The following MOB1B variants were observed in gnomAD, a reference collection of about 807,000 sequenced individuals.
MOB1B encodes the protein MOB kinase activator 1B.
Under a neutral mutation model 24.4 loss-of-function variants are expected in MOB1B, and 19 were observed. That is an observed-to-expected ratio of 0.78 (90% CI 0.54 to 1.14). The LOEUF (loss-of-function observed/expected upper bound fraction) is 1.14, where lower values mean the gene tolerates loss of function less well. Ranked by LOEUF, MOB1B falls within the 50% of genes most tolerant of loss-of-function variation. The pLI, the probability that MOB1B is intolerant of heterozygous loss-of-function variation, is 0.00. For synonymous variants in MOB1B, 76 were observed against 82.1 expected (o/e 0.93, Z 0.40); for missense variants, 243 against 259.6 (o/e 0.94, Z 0.44).
At chr4:70,950,477 G>T (rs768767774) in intron 1 of MOB1B, among the ~76,000 whole-genome samples, 17 of 150,358 alleles carry the variant, frequency 1.1e-4, no homozygotes, top group Non-Finnish European at 2.2e-4. Context: ...TTAAATCCTG[G>T]ATTTAAATTT....
chr4:70,969,856 C>T (rs1738684904), intron 2 of MOB1B, 75 bp from the exon 3 acceptor site: 3 of 785,728 alleles, frequency 3.8e-6, no homozygotes, highest in Admixed American at 2.2e-5. Flanking sequence ...TAAGCCTATT[C>T]TGTTCAAGTA....
At chr4:70,916,758 G>A (rs138156194) in intron 1 of MOB1B, among the ~76,000 whole-genome samples, 1 of 152,002 alleles carries the variant, frequency 6.6e-6, no homozygotes, top group Non-Finnish European at 1.5e-5. Context: ...TAGTAGAGAC[G>A]GGGTTTCACC....
At chr4:70,958,525 ATC>A (rs1189925351) in intron 1 of MOB1B, among the ~76,000 whole-genome samples, 2 of 152,046 alleles carry the variant, frequency 1.3e-5, no homozygotes, top group Admixed American at 6.6e-5. Context: ...ATCAAATTGT[ATC>A]TCTATATTTC....
intron 1 of MOB1B, among the ~76,000 whole-genome samples, chr4:70,908,652 G>A (rs1453358576): frequency 2.6e-5 from 4 of 151,176 alleles, no homozygotes; most frequent in Non-Finnish European, 4.4e-5. Context: ...GCATGTGCCT[G>A]TAGTCCCAGC....
chr4:70,958,313 C>T (rs904961842), intron 1 of MOB1B, among the ~76,000 whole-genome samples: 5 of 151,774 alleles, frequency 3.3e-5, no homozygotes, highest in South Asian at 2.1e-4. Context: ...TACAAGGACC[C>T]GCCACCATGC....
intron 4 of MOB1B, chr4:70,976,590 C>A: frequency 1.0e-6 from 1 of 984,632 alleles, no homozygotes; most frequent in Non-Finnish European, 1.2e-6. Flanking sequence ...AGAATCTGCT[C>A]CTGTAATGTT....
intron 2 of MOB1B, among the ~76,000 whole-genome samples, chr4:70,960,475 A>G (rs1738258591): frequency 6.6e-6 from 1 of 152,232 alleles, no homozygotes. Context: ...AAGGAAATGC[A>G]AAACAGTATT....
At chr4:70,923,492 C>G (rs1038220307) in intron 1 of MOB1B, among the ~76,000 whole-genome samples, 6 of 152,194 alleles carry the variant, frequency 3.9e-5, no homozygotes, top group Admixed American at 2.6e-4. Flanking sequence ...CATGAGCTAC[C>G]TTGCCTAGTC....
chr4:70,926,670 A>T (rs1719547900), intron 1 of MOB1B, among the ~76,000 whole-genome samples: 1 of 152,192 alleles, frequency 6.6e-6, no homozygotes, highest in Non-Finnish European at 1.5e-5. Context: ...GCGAAGTGTT[A>T]GGTGCTTGCT....
chr4:70,927,412 C>T (rs956647809), intron 1 of MOB1B, among the ~76,000 whole-genome samples: 5 of 151,910 alleles, frequency 3.3e-5, no homozygotes, highest in Non-Finnish European at 5.9e-5. Flanking sequence ...TGGTGGCACT[C>T]GCCTGTAATC....
chr4:70,975,318 A>G (rs371271122), intron 4 of MOB1B, 32 bp downstream of exon 4: 88 of 1,605,128 alleles, frequency 5.5e-5, no homozygotes, highest in Middle Eastern at 1.7e-4. Context: ...GGGATCCATC[A>G]TGATTTATCT....
chr4:70,924,054 G>A (rs535163546), intron 1 of MOB1B, among the ~76,000 whole-genome samples: 2 of 152,154 alleles, frequency 1.3e-5, no homozygotes, highest in Admixed American at 1.3e-4. Flanking sequence ...AACAATGGGG[G>A]AAAGGTATTT....
Position 70,986,977 on chromosome 4 carries a change from T to C in MOB1B, c.*4920T>C, listed in dbSNP as rs1187359757. 6.6e-6 allele frequency: 1 copy of C among 152,168 alleles called. No homozygotes were observed. Among genetic ancestry groups the C allele is most frequent in the Non-Finnish European group, 1.5e-5 (1 of 67,996 alleles). The allele number at this position is 152,168 out of a possible 1,614,324, so 9.4% of individuals were successfully genotyped here. A position where few individuals can be genotyped will look rare whatever the true frequency, so the allele number is the denominator to read the frequency against. On this transcript the variant is annotated 3_prime_UTR_variant, in exon 6 of 6. Coordinates refer to ENST00000309395, the MANE Select transcript of MOB1B (RefSeq NM_173468.4). ...ACAAAAATGAGTTTTGCAAATGTAA[T>C]AACTTTTTCTGCATATAGAACTAAA...
chr4:70,953,782 G>A (rs750448891), intron 1 of MOB1B, among the ~76,000 whole-genome samples: 5 of 152,046 alleles, frequency 3.3e-5, no homozygotes, highest in Non-Finnish European at 7.4e-5. Flanking sequence ...TGTCTCTACT[G>A]AAGATACAAA....
chr4:70,922,292 A>AT (rs1292933419), intron 1 of MOB1B, among the ~76,000 whole-genome samples: 1 of 152,232 alleles, frequency 6.6e-6, no homozygotes, highest in African/African-American at 2.4e-5. Context: ...AGCATCGAAA[A>AT]TAACTTTAAG....
chr4:70,965,915 C>T (rs1403611231), intron 2 of MOB1B, among the ~76,000 whole-genome samples: 1 of 143,648 alleles, frequency 7.0e-6, no homozygotes, highest in Non-Finnish European at 1.5e-5. Flanking sequence ...AAAAATTCAA[C>T]TTATCAAAGT....
intron 2 of MOB1B, among the ~76,000 whole-genome samples, chr4:70,969,516 C>T (rs1416420522): frequency 6.6e-6 from 1 of 152,182 alleles, no homozygotes; most frequent in East Asian, 1.9e-4. Flanking sequence ...AATGGCATCT[C>T]ACTATCATTT....
At chr4:70,914,171 A>T (rs1388333217) in intron 1 of MOB1B, among the ~76,000 whole-genome samples, 1 of 152,224 alleles carries the variant, frequency 6.6e-6, no homozygotes, top group African/African-American at 2.4e-5. Context: ...GCTTCACCAG[A>T]CATCAAATCT....
At chr4:70,929,293 A>G (rs1736784940) in intron 1 of MOB1B, among the ~76,000 whole-genome samples, 1 of 144,338 alleles carries the variant, frequency 6.9e-6, no homozygotes, top group South Asian at 2.2e-4. Flanking sequence ...TTTCTCCTGC[A>G]TTAGCCTCCC....
Sources: allele counts gnomAD v4.1 joint callset (sites outside exome capture counted in the v4.1 genomes callset), GRCh38; gene constraint gnomAD v4.1.1; transcripts MANE v1.5; gene names NCBI Gene and HGNC (gene_info 2026-07-23, HGNC 2026-07-21).